ARID4B: variants seen among roughly 807,000 people sequenced by gnomAD.
The protein encoded by ARID4B is AT-rich interaction domain 4B.
A neutral mutation model predicts 147.5 loss-of-function variants in ARID4B; 26 were observed. The ratio of observed to expected loss-of-function variants is 0.18; its 90% CI spans 0.13 to 0.24. The LOEUF (loss-of-function observed/expected upper bound fraction) is 0.24. Among genes scored for constraint, ARID4B ranks in the 10% least tolerant of loss-of-function variants. The pLI is 1.00. For synonymous variants in ARID4B, 512 were observed against 507.9 expected (o/e 1.01, Z -0.11); for missense variants, 1,179 against 1,511.5 (o/e 0.78, Z 3.65).
At chr1:235,239,965 G>T (rs960747731) in intron 8 of ARID4B, among the ~76,000 whole-genome samples, 12 of 152,056 alleles carry the variant, frequency 7.9e-5, no homozygotes, top group Admixed American at 1.3e-4. Flanking sequence ...ATGAGGAAAA[G>T]GTCTAGTTAT....
rs142788986 is a variant in ARID4B at position 235,182,726 on chromosome 1, A to T, written c.2193T>A (p.Asn731Lys). The change falls in exon 20 of 24, where the codon AAT becomes AAA. Residue 731 changes from asparagine (N) to lysine (K), a missense_variant. Transcript: ENST00000264183. ...GATCAATCTTAGATTCCTCTTTGCC[A>T]TTATTATCCATGTCTTGAGCACCTC... ...DERGAQDMDN[N>K]GKEESKIDHL... 1.4e-5 allele frequency: 22 copies of T among 1,613,208 alleles called. No individual in the cohort carries two copies. Among genetic ancestry groups the T allele is most frequent in the Middle Eastern group, 3.3e-4 (2 of 6,060 alleles).
chr1:235,317,999 G>A (rs973570698), intron 2 of ARID4B, among the ~76,000 whole-genome samples: 4 of 151,918 alleles, frequency 2.6e-5, no homozygotes, highest in Non-Finnish European at 5.9e-5. Flanking sequence ...ATACATGTTC[G>A]CACAGAAACT....
At chr1:235,244,158 T>C (rs1669156819) in intron 7 of ARID4B, among the ~76,000 whole-genome samples, 1 of 152,188 alleles carries the variant, frequency 6.6e-6, no homozygotes, top group Non-Finnish European at 1.5e-5. Context: ...GGGTAAATCT[T>C]AGCACTGTTA....
intron 2 of ARID4B, among the ~76,000 whole-genome samples, chr1:235,317,949 G>A (rs1674549376): frequency 6.6e-6 from 1 of 152,052 alleles, no homozygotes; most frequent in Non-Finnish European, 1.5e-5. Flanking sequence ...AGTACCCTAA[G>A]AACTGAAAGG....
At chr1:235,233,262 A>C (rs4659676) in intron 9 of ARID4B, among the ~76,000 whole-genome samples, 44,535 of 151,984 alleles carry the variant, frequency 0.29, 7,666 homozygotes, top group South Asian at 0.53. Context: ...AGCCTGGCCA[A>C]CATGGTGAAA....
chr1:235,220,050 G>T, intron 15 of ARID4B, 82 bp from the exon 16 acceptor site: 4 of 913,400 alleles, frequency 4.4e-6, no homozygotes, highest in South Asian at 2.6e-5. Context: ...AGCAACAGGA[G>T]GTATCAACCA....
chr1:235,274,410 G>A (rs1179508961), intron 2 of ARID4B, among the ~76,000 whole-genome samples: 2 of 151,894 alleles, frequency 1.3e-5, no homozygotes, highest in Admixed American at 6.6e-5. Context: ...AAAAGTAATT[G>A]CAAAACCACA....
chr1:235,218,620 C>T (rs1046708190), intron 16 of ARID4B, among the ~76,000 whole-genome samples: 2 of 151,946 alleles, frequency 1.3e-5, no homozygotes. Context: ...TGTATGGTGC[C>T]ACCAAAATTT....
rs558815356 is a variant in ARID4B at position 235,270,186 on chromosome 1, G to A, written c.7-9434C>T. Among the ~76,000 whole-genome samples the A allele has an allele frequency of 1.3e-3, 193 of 152,246 alleles. 1 individual carries two copies. Among genetic ancestry groups the A allele is most frequent in the African/African-American group, 4.6e-3 (189 of 41,530 alleles). ...TAGTCCCAGCCACTCAGGAGGCTGA[G>A]GCAGGAGAATGGTGTGAACCCAGGA... On this transcript the variant is annotated intron_variant, in intron 2 of 23. Transcript: ENST00000264183.
At chr1:235,276,647 G>A (rs777445804) in intron 2 of ARID4B, among the ~76,000 whole-genome samples, 3 of 150,748 alleles carry the variant, frequency 2.0e-5, no homozygotes, top group Non-Finnish European at 4.4e-5. Context: ...GGGAGACACA[G>A]CAAGACCCTG....
chr1:235,265,141 G>A lies in ARID4B; in HGVS notation c.7-4389C>T, dbSNP rs141802594. On this transcript the variant is annotated intron_variant, in intron 2 of 23. Coordinates refer to ENST00000264183, the MANE Select transcript of ARID4B (RefSeq NM_016374.6). ...AGCACTTTGGGAGGCTGAGGCAGGT[G>A]GATCACGAGGTCAGGCATTCGAGAC... Among the ~76,000 whole-genome samples the A allele has an allele frequency of 5.7e-3, 857 of 150,838 alleles. 13 individuals carry two copies. Among genetic ancestry groups the A allele is most frequent in the African/African-American group, 0.02 (819 of 41,026 alleles).
intron 2 of ARID4B, among the ~76,000 whole-genome samples, chr1:235,282,623 A>G (rs983780155): frequency 2.0e-5 from 3 of 152,206 alleles, no homozygotes; most frequent in Non-Finnish European, 4.4e-5. Flanking sequence ...TATCTACACA[A>G]TAAAGCCTGT....
intron 7 of ARID4B, among the ~76,000 whole-genome samples, chr1:235,241,469 C>T (rs1178149506): frequency 6.6e-6 from 1 of 151,898 alleles, no homozygotes; most frequent in Non-Finnish European, 1.5e-5. Flanking sequence ...ACAAAGTAAC[C>T]GTCATGCCTT....
At chr1:235,267,152 C>G (rs35359275) in intron 2 of ARID4B, among the ~76,000 whole-genome samples, 2,028 of 152,160 alleles carry the variant, frequency 0.013, 23 homozygotes, top group South Asian at 0.042. Context: ...GTGGCATGCA[C>G]GTATGGTCCC....
At chr1:235,219,066 G>A (rs1667275826) in intron 16 of ARID4B, among the ~76,000 whole-genome samples, 1 of 151,958 alleles carries the variant, frequency 6.6e-6, no homozygotes, top group African/African-American at 2.4e-5. Context: ...GTTTCGGTAT[G>A]TTGGCCAGGC....
chr1:235,324,345 A>T (rs1309716178), intron 2 of ARID4B, among the ~76,000 whole-genome samples: 1 of 152,252 alleles, frequency 6.6e-6, no homozygotes, highest in Non-Finnish European at 1.5e-5. Flanking sequence ...TGAAAAAAGT[A>T]ACATAGCATA....
intron 17 of ARID4B, among the ~76,000 whole-genome samples, chr1:235,212,061 A>G (rs935432115): frequency 6.6e-6 from 1 of 152,076 alleles, no homozygotes; most frequent in African/African-American, 2.4e-5. Context: ...CAAGACAAAC[A>G]TGGCAAAACC....
intron 8 of ARID4B, among the ~76,000 whole-genome samples, chr1:235,238,789 A>T (rs1173565014): frequency 6.6e-6 from 1 of 152,048 alleles, no homozygotes; most frequent in Non-Finnish European, 1.5e-5. Flanking sequence ...CAGGAGGTCA[A>T]GGCTGCAGCG....
chr1:235,282,529 T>C (rs1201601140), intron 2 of ARID4B, among the ~76,000 whole-genome samples: 2 of 152,320 alleles, frequency 1.3e-5, no homozygotes, highest in South Asian at 2.1e-4. Flanking sequence ...AAAACTATTA[T>C]AAATATGGAA....
Sources: gnomAD v4.1 joint callset for allele counts (sites outside exome capture counted in the v4.1 genomes callset) on GRCh38, gnomAD v4.1.1 for gene constraint, MANE v1.5 for transcripts, NCBI Gene and HGNC (gene_info 2026-07-23, HGNC 2026-07-21) for gene names.